Variants in THAP5 observed in about 807,000 individuals in gnomAD.
THAP5 encodes THAP domain containing 5, also known as THAP domain-containing protein 5.
Under a neutral mutation model 34.0 loss-of-function variants are expected in THAP5, and 26 were observed. The ratio of observed to expected loss-of-function variants is 0.77; its 90% CI spans 0.56 to 1.06. THAP5 has a LOEUF of 1.06. THAP5 is among the 50% of genes least tolerant of loss of function. The pLI is 0.00. For synonymous variants in THAP5, 125 were observed against 153.0 expected, an observed-to-expected ratio of 0.82 and a Z score of 1.35; for missense variants, 394 against 452.8, an observed-to-expected ratio of 0.87 and a Z score of 1.18.
At chr7:108,549,925 C>T (rs982754208), downstream of THAP5, among the ~76,000 whole-genome samples, 1 of 152,186 alleles carries the variant, frequency 6.6e-6, no homozygotes, top group Non-Finnish European at 1.5e-5. Flanking sequence ...TATTGGGGCC[C>T]TTCCTTCACC....
At chr7:108,542,718 C>T in the THAP5 span, among the ~76,000 whole-genome samples, 1 of 152,144 alleles carries the variant, frequency 6.6e-6, no homozygotes, top group African/African-American at 2.4e-5. Flanking sequence ...CTGCCTCGGC[C>T]TCTCAAAGTG....
chr7:108,568,801 T>C (rs1790543659), intron 1 of THAP5, among the ~76,000 whole-genome samples: 1 of 152,194 alleles, frequency 6.6e-6, no homozygotes, highest in African/African-American at 2.4e-5. Flanking sequence ...AGCTACAGAA[T>C]AGTGGAACCA....
At chr7:108,566,446 T>C (rs1245134619) in intron 1 of THAP5, among the ~76,000 whole-genome samples, 3 of 152,244 alleles carry the variant, frequency 2.0e-5, no homozygotes, top group Non-Finnish European at 4.4e-5. Flanking sequence ...ACATGTCAAA[T>C]GGCTTGTTGT....
rs1790564313 is a variant in THAP5, at chr7:108,569,489, C to G, written c.80+1G>C. ...ACGCTTCTGCTCCAGAAACAACTTA[C>G]GGATAAAAACTCAGCTTCCGGTCTT... On this transcript the variant is annotated splice_donor_variant, in intron 1 of 2. Coordinates refer to ENST00000415914, the MANE Select transcript of THAP5 (RefSeq NM_001130475.3). LOFTEE classifies it high-confidence loss of function. 4.5e-6 allele frequency: 7 copies of G among 1,551,738 alleles called. No individual in the cohort carries two copies. The highest frequency in any genetic ancestry group is 6.1e-6 in the Non-Finnish European group (7 of 1,147,000).
At chr7:108,550,540 T>G (rs1304011403), downstream of THAP5, among the ~76,000 whole-genome samples, 1 of 152,236 alleles carries the variant, frequency 6.6e-6, no homozygotes, top group Non-Finnish European at 1.5e-5. Flanking sequence ...CTATTGGATT[T>G]CTAGGACTAA....
At chr7:108,550,881 C>T (rs749774118), downstream of THAP5, among the ~76,000 whole-genome samples, 1 of 152,204 alleles carries the variant, frequency 6.6e-6, no homozygotes, top group Non-Finnish European at 1.5e-5. Context: ...GGCTTCAACA[C>T]ATGAATTTTC....
the THAP5 span, among the ~76,000 whole-genome samples, chr7:108,545,583 T>C: frequency 6.6e-6 from 1 of 152,216 alleles, no homozygotes; most frequent in Non-Finnish European, 1.5e-5. Flanking sequence ...AAGATGAAGA[T>C]AATTGTCTAG....
In THAP5 at chr7:108,564,574, C is replaced by G. The variant is rs762851687; in HGVS notation, c.805G>C (p.Glu269Gln). Residue 269 changes from glutamate to glutamine, a missense_variant, in exon 3 of 3, where the codon GAA becomes CAA. Physicochemically the swap from Glu to Gln is conservative, Grantham distance 29. Coordinates refer to ENST00000415914, the MANE Select transcript of THAP5 (RefSeq NM_001130475.3). ...QTVEELNTNK[E>Q]SVIAIFVPAE... is the part of the protein sequence containing the mutation. ...GGTACAAAAATGGCAATAACAGATTCTTTATTTGTGTTTAATTCTTCAACT... is the reference window on the plus strand; with the variant it reads ...GGTACAAAAATGGCAATAACAGATTGTTTATTTGTGTTTAATTCTTCAACT... 10 of 1,613,692 alleles carry G rather than the reference C, an allele frequency of 6.2e-6. No homozygotes were observed. The highest frequency in any genetic ancestry group is 6.8e-6 in the Non-Finnish European group (8 of 1,179,886).
rs777066689 is a variant in THAP5, at chr7:108,562,804, CAG to C, written c.*1385_*1386del. On this transcript the variant is annotated 3_prime_UTR_variant, in exon 3 of 3. Transcript: ENST00000415914. ...TTTCTTAAAATCATGTGAATATAAA[CAG>C]TATTTTTATTTACATTACCATTACT... 39 of 152,112 alleles carry C rather than the reference CAG, an allele frequency of 2.6e-4. No homozygotes were observed. The highest frequency in any genetic ancestry group is 5.3e-4 in the Non-Finnish European group (36 of 68,008). The allele number at this position is 152,112 out of a possible 1,614,324, so 9.4% of individuals were successfully genotyped here.
At chr7:108,565,246 T>TA in intron 2 of THAP5, 141 bp from the exon 3 acceptor site, 1 of 590,504 alleles carries the variant, frequency 1.7e-6, no homozygotes, top group South Asian at 3.4e-5. Flanking sequence ...ATATATACCT[T>TA]AAAGTATTTT....
chr7:108,557,685 G>T (rs1430631198), downstream of THAP5, among the ~76,000 whole-genome samples: 1 of 152,166 alleles, frequency 6.6e-6, no homozygotes, highest in Non-Finnish European at 1.5e-5. Context: ...CAAGTCTCTA[G>T]GAAGTTCTAA....
In THAP5 at chr7:108,562,656, AATC is replaced by A. The variant is rs1179472337; in HGVS notation, c.*1532_*1534del. 5 of 152,216 alleles carry A rather than the reference AATC, an allele frequency of 3.3e-5. No individual in the cohort carries two copies. The highest frequency in any genetic ancestry group is 3.3e-4 in the Admixed American group (5 of 15,274). The allele number at this position is 152,216 out of a possible 1,614,324, so 9.4% of individuals were successfully genotyped here. ...CTACTTAACAGATGAAAAAACTAAG[AATC>A]AGACTGATACAACTTCCTCAACATC... On this transcript the variant is annotated 3_prime_UTR_variant, in exon 3 of 3. Coordinates refer to ENST00000415914, the MANE Select transcript of THAP5 (RefSeq NM_001130475.3).
chr7:108,560,977 T>C (rs1431685468), downstream of THAP5, among the ~76,000 whole-genome samples: 1 of 152,132 alleles, frequency 6.6e-6, no homozygotes, highest in Admixed American at 6.5e-5. Context: ...CAGGTGATCC[T>C]CCTGCTTTGG....
chr7:108,542,826 G>C, the THAP5 span, among the ~76,000 whole-genome samples: 9 of 152,188 alleles, frequency 5.9e-5, no homozygotes, highest in African/African-American at 1.9e-4. Flanking sequence ...TGGCAGATGG[G>C]CTGGTCTGGA....
At chr7:108,542,468 G>C in the THAP5 span, among the ~76,000 whole-genome samples, 2 of 152,032 alleles carry the variant, frequency 1.3e-5, no homozygotes, top group African/African-American at 4.8e-5. Flanking sequence ...TGTTTGTTTT[G>C]TTTTGTTTTT....
the THAP5 span, among the ~76,000 whole-genome samples, chr7:108,545,956 A>G: frequency 6.6e-6 from 1 of 152,108 alleles, no homozygotes; most frequent in East Asian, 1.9e-4. Flanking sequence ...TGCTCTTAAA[A>G]TGGATAGAGT....
At position 108,565,961 on chromosome 7, in the gene THAP5, A is replaced by C; in HGVS notation, c.142T>G (p.Trp48Gly). The C allele has an allele frequency of 6.4e-7, 1 of 1,550,810 alleles. No individual in the cohort carries two copies. Among genetic ancestry groups the C allele is most frequent in the Non-Finnish European group, 8.7e-7 (1 of 1,146,756 alleles). Residue 48 changes from tryptophan (W) to glycine (G), a missense_variant, in exon 2 of 3, where the codon TGG becomes GGG. Coordinates refer to ENST00000415914, the MANE Select transcript of THAP5 (RefSeq NM_001130475.3). Reference protein sequence around the residue: ...KWLKNMKRDSWVPSKYQFLCS... With the variant: ...KWLKNMKRDSGVPSKYQFLCS... Reference sequence around the variant, plus strand: ...AGAAACTGGTATTTACTGGGAACCCATGAATCTCGCTTCATATTCTTTAAC... The same window carrying C: ...AGAAACTGGTATTTACTGGGAACCCCTGAATCTCGCTTCATATTCTTTAAC...
At chr7:108,549,604 T>C (rs1864341344), downstream of THAP5, among the ~76,000 whole-genome samples, 1 of 152,200 alleles carries the variant, frequency 6.6e-6, no homozygotes, top group African/African-American at 2.4e-5. Context: ...GTGTAAGTGG[T>C]TATATTGTAT....
At chr7:108,553,212 AT>A (rs898325195), downstream of THAP5, among the ~76,000 whole-genome samples, 88 of 147,378 alleles carry the variant, frequency 6.0e-4, no homozygotes, top group African/African-American at 1.1e-3. Context: ...GCTCTCTTAA[AT>A]TTTTTTTTTT....
Sources: allele counts gnomAD v4.1 joint callset (sites outside exome capture counted in the v4.1 genomes callset), GRCh38; gene constraint gnomAD v4.1.1; transcripts MANE v1.5; gene names NCBI Gene and HGNC (gene_info 2026-07-23, HGNC 2026-07-21).